NBAS: variants seen among roughly 807,000 people sequenced by gnomAD.
NBAS encodes the protein NAG/BC035112 fusion.
NBAS carries 219 observed loss-of-function variants against 302.5 expected under a neutral mutation model. That is an observed-to-expected ratio of 0.72 (90% CI 0.65 to 0.81). The LOEUF (loss-of-function observed/expected upper bound fraction) is 0.81. Among genes scored for constraint, NBAS ranks in the 30% least tolerant of loss-of-function variants. The pLI is 0.00. For synonymous variants in NBAS, 1,118 were observed against 1,021.6 expected, an observed-to-expected ratio of 1.09 and a Z score of -1.80; for missense variants, 2,932 against 2,841.6, an observed-to-expected ratio of 1.03 and a Z score of -0.72.
the NBAS span, among the ~76,000 whole-genome samples, chr2:14,796,919 C>CAAAAAAAA: frequency 3.5e-5 from 3 of 86,508 alleles, no homozygotes; most frequent in Non-Finnish European, 4.6e-5. Context: ...CTAAAAAATA[C>CAAAAAAAA]AAAAAAAAAA....
At chr2:14,947,488 C>T in the NBAS span, among the ~76,000 whole-genome samples, 3 of 151,968 alleles carry the variant, frequency 2.0e-5, no homozygotes, top group Non-Finnish European at 4.4e-5. Context: ...TAAAAACAGA[C>T]ATTAAACCAA....
the NBAS span, among the ~76,000 whole-genome samples, chr2:15,155,912 G>A: frequency 1.3e-5 from 2 of 152,156 alleles, no homozygotes; most frequent in East Asian, 3.9e-4. Context: ...GTGTTATTCG[G>A]TGCCAAGGCT....
chr2:15,341,372 C>T (rs768873157), intron 35 of NBAS, among the ~76,000 whole-genome samples: 5 of 149,274 alleles, frequency 3.3e-5, no homozygotes, highest in Non-Finnish European at 7.4e-5. Flanking sequence ...GGCAACAGAG[C>T]GAGACACTAT....
the NBAS span, among the ~76,000 whole-genome samples, chr2:15,002,994 G>A: frequency 0.37 from 56,744 of 152,240 alleles, 11,323 homozygotes; most frequent in Non-Finnish European, 0.41. Flanking sequence ...CGGTGCAGCG[G>A]CGGGCTGAAG....
rs763164043 is a variant in NBAS, at chr2:15,218,895, G to C, written c.6310C>G (p.Arg2104Gly). 3 of 1,614,246 alleles carry C rather than the reference G, an allele frequency of 1.9e-6. No homozygotes were observed. Among genetic ancestry groups the C allele is most frequent in the Non-Finnish European group, 2.5e-6 (3 of 1,180,052 alleles). Residue 2104 changes from arginine (R) to glycine (G), a missense_variant, in exon 48 of 52, where the codon CGG becomes GGG. Transcript: ENST00000281513. Reference protein sequence around the residue: ...PFCADDAWPVRPRIHVLQILG... With the variant: ...PFCADDAWPVGPRIHVLQILG... Reference sequence around the variant, plus strand: ...ATCTGCAGCACGTGAATGCGGGGCCGCACCGGCCAGGCGTCATCAGCACAG... The same window carrying C: ...ATCTGCAGCACGTGAATGCGGGGCCCCACCGGCCAGGCGTCATCAGCACAG...
At chr2:14,881,778 G>A in the NBAS span, among the ~76,000 whole-genome samples, 50 of 152,150 alleles carry the variant, frequency 3.3e-4, no homozygotes, top group Non-Finnish European at 1.2e-4. Flanking sequence ...GCAGAGCTGC[G>A]TAGTTACAAC....
chr2:15,498,750 G>GCT (rs71400654), intron 11 of NBAS, among the ~76,000 whole-genome samples: 12,654 of 147,964 alleles, frequency 0.086, 600 homozygotes, highest in Middle Eastern at 0.15. Context: ...ATTCGTGCTC[G>GCT]CTCTCTCTCT....
the NBAS span, among the ~76,000 whole-genome samples, chr2:14,834,155 A>C: frequency 1.3e-5 from 2 of 152,184 alleles, no homozygotes; most frequent in African/African-American, 4.8e-5. Flanking sequence ...TATTGAATAA[A>C]AATAATCAAT....
rs757408469 is a variant in NBAS at position 15,379,804 on chromosome 2, T to C, written c.3388A>G (p.Ser1130Gly). ...GCCAGGTGGATGTTTTCAAGGCGAC[T>C]AGAGCACAGAAGGCTTTCTGTAAAT... Reference protein sequence around the residue: ...EIFTESLLCSSRLENIHLAGQ... With the variant: ...EIFTESLLCSGRLENIHLAGQ... Residue 1130 changes from serine (S) to glycine (G), a missense_variant, in exon 30 of 52, where the codon AGT (serine) becomes GGT (glycine). Physicochemically the swap from Ser to Gly is moderately conservative, Grantham distance 56 (BLOSUM62 0). Transcript: ENST00000281513. The C allele has an allele frequency of 1.9e-6, 3 of 1,613,914 alleles. No homozygotes were observed. Among genetic ancestry groups the C allele is most frequent in the Non-Finnish European group, 2.5e-6 (3 of 1,179,978 alleles).
chr2:14,833,564 T>C, the NBAS span, among the ~76,000 whole-genome samples: 1 of 152,166 alleles, frequency 6.6e-6, no homozygotes, highest in African/African-American at 2.4e-5. Flanking sequence ...ATTATCACTA[T>C]TCATTTCATA....
chr2:15,316,933 C>A (rs1417788766), intron 38 of NBAS, among the ~76,000 whole-genome samples: 1 of 152,192 alleles, frequency 6.6e-6, no homozygotes, highest in Non-Finnish European at 1.5e-5. Flanking sequence ...CAAGTGGGTC[C>A]CTGACCCCGT....
chr2:15,100,417 G>C, the NBAS span, among the ~76,000 whole-genome samples: 1 of 152,264 alleles, frequency 6.6e-6, no homozygotes, highest in African/African-American at 2.4e-5. Context: ...AACATAAGCT[G>C]CGGGTGCACA....
intron 48 of NBAS, among the ~76,000 whole-genome samples, chr2:15,192,234 AT>A (rs56108047): frequency 0.2 from 27,282 of 138,472 alleles, 2,751 homozygotes; most frequent in East Asian, 0.47. Context: ...AGAAGAGGCT[AT>A]TTTTTTTTTT....
At chr2:15,395,278 C>A (rs1675814640) in intron 27 of NBAS, among the ~76,000 whole-genome samples, 1 of 152,030 alleles carries the variant, frequency 6.6e-6, no homozygotes, top group South Asian at 2.1e-4. Context: ...GCTATCTCTT[C>A]TCAATTTTAC....
the NBAS span, among the ~76,000 whole-genome samples, chr2:15,020,884 G>A: frequency 1.5e-3 from 235 of 152,262 alleles, 4 homozygotes; most frequent in African/African-American, 5.2e-3. Context: ...GTCTTCAGCA[G>A]ATTAAAATTA....
At chr2:15,487,843 C>T (rs541249179) in intron 12 of NBAS, among the ~76,000 whole-genome samples, 12 of 152,138 alleles carry the variant, frequency 7.9e-5, no homozygotes, top group African/African-American at 2.4e-4. Context: ...AAATCTAGAT[C>T]CAATAAGGGA....
At chr2:14,787,244 C>T in the NBAS span, among the ~76,000 whole-genome samples, 1 of 152,126 alleles carries the variant, frequency 6.6e-6, no homozygotes. Flanking sequence ...TTCCTGAATA[C>T]AGCACACTGA....
intron 12 of NBAS, among the ~76,000 whole-genome samples, chr2:15,485,806 A>G (rs1290382376): frequency 6.6e-6 from 1 of 152,236 alleles, no homozygotes. Context: ...AGAGCAGGAC[A>G]AGAGGATCTA....
chr2:15,256,814 C>A (rs1380533340), intron 44 of NBAS, among the ~76,000 whole-genome samples: 1 of 152,118 alleles, frequency 6.6e-6, no homozygotes, highest in African/African-American at 2.4e-5. Flanking sequence ...ATTGAGGTGA[C>A]CATATGATTT....
Sources: allele counts gnomAD v4.1 joint callset (sites outside exome capture counted in the v4.1 genomes callset), GRCh38; gene constraint gnomAD v4.1.1; transcripts MANE v1.5; gene names NCBI Gene and HGNC (gene_info 2026-07-23, HGNC 2026-07-21).